PDE6A: variants seen among roughly 807,000 people sequenced by gnomAD.
The protein encoded by PDE6A is phosphodiesterase 6A.
A neutral mutation model predicts 106.3 loss-of-function variants in PDE6A; 84 were observed. The ratio of observed to expected loss-of-function variants is 0.79; its 90% CI spans 0.66 to 0.95. The LOEUF (loss-of-function observed/expected upper bound fraction) is 0.95, where lower values mean the gene tolerates loss of function less well. Ranked by LOEUF, PDE6A falls within the 40% of genes least tolerant of loss-of-function variation. PDE6A has a pLI of 0.00. For missense variants in PDE6A, 1,052 were observed against 1,084.9 expected, an observed-to-expected ratio of 0.97 and a Z score of 0.43; for synonymous variants, 394 against 386.6, an observed-to-expected ratio of 1.02 and a Z score of -0.23.
At chr5:149,909,406 G>A (rs1753303567) in intron 6 of PDE6A, among the ~76,000 whole-genome samples, 1 of 152,198 alleles carries the variant, frequency 6.6e-6, no homozygotes, top group African/African-American at 2.4e-5. Flanking sequence ...GAAGGTCAAT[G>A]CTTCTGTCAA....
chr5:149,875,798 T>C (rs1196467578), intron 17 of PDE6A, among the ~76,000 whole-genome samples: 3 of 152,202 alleles, frequency 2.0e-5, no homozygotes, highest in Admixed American at 1.3e-4. Flanking sequence ...ATACTGACTT[T>C]TTAAAATAAA....
intron 9 of PDE6A, 81 bp downstream of exon 9, chr5:149,899,294 G>T: frequency 7.1e-7 from 1 of 1,418,164 alleles, no homozygotes; most frequent in Non-Finnish European, 1.0e-6. Context: ...GCTGCCCCAT[G>T]TGATAGCGCA....
intron 5 of PDE6A, among the ~76,000 whole-genome samples, chr5:149,921,234 T>C (rs1753709361): frequency 6.6e-6 from 1 of 152,012 alleles, no homozygotes; most frequent in Middle Eastern, 3.4e-3. Flanking sequence ...CCCCGCAAGG[T>C]TACTGTGAAA....
chr5:149,919,768 C>T (rs1321532098), intron 5 of PDE6A, among the ~76,000 whole-genome samples: 1 of 152,142 alleles, frequency 6.6e-6, no homozygotes, highest in Non-Finnish European at 1.5e-5. Flanking sequence ...GCCACAGATA[C>T]CCATGGAAAT....
intron 20 of PDE6A, among the ~76,000 whole-genome samples, chr5:149,865,413 A>G (rs1316818259): frequency 2.9e-5 from 1 of 34,674 alleles, no homozygotes; most frequent in African/African-American, 4.2e-4. Flanking sequence ...TGTCTCAAAG[A>G]AAAAAAAAAA....
intron 7 of PDE6A, among the ~76,000 whole-genome samples, chr5:149,904,702 C>T (rs1753118712): frequency 6.6e-6 from 1 of 152,162 alleles, no homozygotes; most frequent in Non-Finnish European, 1.5e-5. Context: ...CCTGCTCCTT[C>T]CTGTCCAAGG....
At chr5:149,901,282 A>G (rs914893992) in intron 8 of PDE6A, among the ~76,000 whole-genome samples, 17 of 152,136 alleles carry the variant, frequency 1.1e-4, no homozygotes, top group African/African-American at 4.1e-4. Context: ...TAATCCCAGC[A>G]CTTTGGGAGG....
intron 4 of PDE6A, among the ~76,000 whole-genome samples, chr5:149,923,176 T>A (rs868276858): frequency 1.3e-5 from 2 of 152,206 alleles, no homozygotes; most frequent in African/African-American, 4.8e-5. Flanking sequence ...TCGTTGCTCA[T>A]ATAAACTCTG....
rs553828816 is a variant in PDE6A, at chr5:149,932,145, C to T, written c.718-977G>A. 1.7e-4 allele frequency: 208 copies of T among 1,231,716 alleles called. No individual in the cohort carries two copies. In the South Asian group the frequency reaches 2.4e-3, roughly 14 times the overall value. The allele number at this position is 1,231,716 out of a possible 1,614,324, so 76.3% of individuals were successfully genotyped here. The stretch of plus-strand genomic sequence containing the variant: ...ACGTCTATTTAGTTTGATTATCTGT[C>T]GTCTTAGTGAAGCTGCATCTACAAC... On this transcript the variant is annotated intron_variant, in intron 3 of 21. Coordinates refer to ENST00000255266, the MANE Select transcript of PDE6A (RefSeq NM_000440.3).
Position 149,861,615 on chromosome 5 carries a change from G to A in PDE6A, c.2507-644C>T, listed in dbSNP as rs1327103246. The stretch of plus-strand genomic sequence containing the variant: ...CAGTGAGCTATGATCGTGCCACTGC[G>A]CTCCAGCCTGGGCAACAAAGCAAGA... On this transcript the variant is annotated intron_variant, in intron 21 of 21. Transcript: ENST00000255266. 5.3e-5 allele frequency among the ~76,000 whole-genome samples: 8 copies of A among 152,144 alleles called. No individual in the cohort carries two copies. In the East Asian group the frequency reaches 9.7e-4, roughly 18 times the overall value.
rs997619835 is a variant in PDE6A at position 149,859,933 on chromosome 5, C to G, written c.*962G>C. 1 of 152,240 alleles carries G rather than the reference C, an allele frequency of 6.6e-6. No individual in the cohort carries two copies. Among genetic ancestry groups the G allele is most frequent in the African/African-American group, 2.4e-5 (1 of 41,442 alleles). The allele number at this position is 152,240 out of a possible 1,614,324, so 9.4% of individuals were successfully genotyped here. A position where few individuals can be genotyped will look rare whatever the true frequency, so the allele number is the denominator to read the frequency against. On this transcript the variant is annotated 3_prime_UTR_variant, in exon 22 of 22. Transcript: ENST00000255266. ...CTTTTGCTTTTGTTTGAGTCAGAGTCTCGCTCGGTCGCCCAAGCTGGAGTG... is the reference window on the plus strand; with the variant it reads ...CTTTTGCTTTTGTTTGAGTCAGAGTGTCGCTCGGTCGCCCAAGCTGGAGTG...
At chr5:149,910,257 A>G (rs1235374430) in intron 6 of PDE6A, among the ~76,000 whole-genome samples, 4 of 151,994 alleles carry the variant, frequency 2.6e-5, no homozygotes, top group Non-Finnish European at 5.9e-5. Flanking sequence ...TTTGCATGGT[A>G]TGTCTTTTTT....
chr5:149,919,602 G>A (rs1272968579), intron 5 of PDE6A, among the ~76,000 whole-genome samples: 8 of 152,110 alleles, frequency 5.3e-5, no homozygotes, highest in Non-Finnish European at 1.2e-4. Flanking sequence ...GTGTGCTTTG[G>A]GTAACTAGGC....
At chr5:149,883,036 C>T (rs987952248) in intron 17 of PDE6A, among the ~76,000 whole-genome samples, 4 of 152,064 alleles carry the variant, frequency 2.6e-5, no homozygotes, top group Non-Finnish European at 5.9e-5. Context: ...CCAGCCTGGG[C>T]GACAGAGCGA....
chr5:149,920,491 G>T (rs1753673892), intron 5 of PDE6A, among the ~76,000 whole-genome samples: 1 of 152,170 alleles, frequency 6.6e-6, no homozygotes, highest in South Asian at 2.1e-4. Context: ...TGAGGCAGGA[G>T]AATCACTTGA....
At chr5:149,894,864 C>T (rs1036447842) in intron 13 of PDE6A, among the ~76,000 whole-genome samples, 12 of 151,976 alleles carry the variant, frequency 7.9e-5, no homozygotes, top group East Asian at 1.9e-4. Context: ...CTCCTGACCT[C>T]GTGATCCACC....
intron 1 of PDE6A, among the ~76,000 whole-genome samples, chr5:149,942,060 C>T (rs1404647535): frequency 6.6e-6 from 1 of 152,082 alleles, no homozygotes; most frequent in Non-Finnish European, 1.5e-5. Context: ...CTCCTGGGCT[C>T]AAGTGATGCT....
chr5:149,916,944 C>G (rs1187971468), intron 5 of PDE6A, among the ~76,000 whole-genome samples: 1 of 152,134 alleles, frequency 6.6e-6, no homozygotes, highest in East Asian at 1.9e-4. Flanking sequence ...GAACTCTTTA[C>G]TATTCCAGGA....
At chr5:149,886,538 G>C (rs1752312258) in intron 13 of PDE6A, among the ~76,000 whole-genome samples, 164 bp from the exon 14 acceptor site, 1 of 152,174 alleles carries the variant, frequency 6.6e-6, no homozygotes, top group Non-Finnish European at 1.5e-5. Flanking sequence ...CCAGGGCTGA[G>C]GGGTTTTTTG....
Sources: gnomAD v4.1 joint callset for allele counts (sites outside exome capture counted in the v4.1 genomes callset) on GRCh38, gnomAD v4.1.1 for gene constraint, MANE v1.5 for transcripts, NCBI Gene and HGNC (gene_info 2026-07-23, HGNC 2026-07-21) for gene names.